The following TEX14 variants were observed in gnomAD, a reference collection of about 807,000 sequenced individuals.
TEX14 encodes testis expressed 14, intercellular bridge forming factor, also known as inactive serine/threonine-protein kinase TEX14.
In TEX14, 168 loss-of-function variants were observed where a neutral mutation model predicts 178.6. That is an observed-to-expected ratio of 0.94 (90% CI 0.83 to 1.07). The LOEUF (loss-of-function observed/expected upper bound fraction) is 1.07, where lower values mean the gene tolerates loss of function less well. Among genes scored for constraint, TEX14 ranks in the 50% least tolerant of loss-of-function variants. The probability of loss-of-function intolerance (pLI) is 0.00; values close to 1 mark genes in which losing one functional copy is unlikely to be tolerated. For missense variants in TEX14, 1,730 were observed against 1,753.6 expected (o/e 0.99, Z 0.24); for synonymous variants, 626 against 634.1 (o/e 0.99, Z 0.19).
chr17:58,605,447 T>C (rs2144495390), intron 10 of TEX14, among the ~76,000 whole-genome samples: 1 of 152,306 alleles, frequency 6.6e-6, no homozygotes, highest in African/African-American at 2.4e-5. Context: ...TGTGAAAACT[T>C]TGCCTCTGAA....
chr17:58,621,811 A>C, intron 4 of TEX14, 25 bp from the exon 5 acceptor site: 5 of 1,602,804 alleles, frequency 3.1e-6, no homozygotes, highest in Non-Finnish European at 4.3e-6. Context: ...AGAGATGCCC[A>C]GTGCGGGCGC....
intron 2 of TEX14, chr17:58,631,732 T>C (rs867162139): frequency 2.8e-5 from 4 of 145,322 alleles, no homozygotes; most frequent in Admixed American, 1.4e-4. Context: ...ATCCCACTCG[T>C]GAGAGAACAC....
chr17:58,616,542 C>A (rs1443740769), intron 6 of TEX14, among the ~76,000 whole-genome samples: 1 of 151,756 alleles, frequency 6.6e-6, no homozygotes, highest in Non-Finnish European at 1.5e-5. Flanking sequence ...GCGATCCTCC[C>A]ACTCCACCCT....
At chr17:58,631,605 A>G (rs541911183) in intron 2 of TEX14, 1 of 148,470 alleles carries the variant, frequency 6.7e-6, no homozygotes, top group East Asian at 1.9e-4. Flanking sequence ...GAGGAAACCA[A>G]CTACTATTAA....
intron 3 of TEX14, 81 bp downstream of exon 3, chr17:58,630,359 C>A: frequency 8.7e-7 from 1 of 1,146,870 alleles, no homozygotes; most frequent in Non-Finnish European, 1.3e-6. Flanking sequence ...CCCGGCCAAA[C>A]GTTTTTCTAA....
chr17:58,689,509 G>A (rs2047656459), intron 1 of TEX14, among the ~76,000 whole-genome samples: 3 of 152,102 alleles, frequency 2.0e-5, no homozygotes, highest in Admixed American at 1.3e-4. Flanking sequence ...GTGAGCCACC[G>A]TGCCCGGCCT....
intron 3 of TEX14, among the ~76,000 whole-genome samples, chr17:58,624,554 C>T (rs775678096): frequency 5.3e-5 from 8 of 151,812 alleles, no homozygotes; most frequent in Non-Finnish European, 1.0e-4. Flanking sequence ...GTTGGCCAGG[C>T]TGGTCTCGAA....
intron 3 of TEX14, among the ~76,000 whole-genome samples, chr17:58,625,382 G>A (rs1051096424): frequency 2.0e-5 from 3 of 152,060 alleles, no homozygotes; most frequent in South Asian, 2.1e-4. Context: ...TGATCTGCCC[G>A]CCTCATCCTC....
rs140040863 is a variant in TEX14, at chr17:58,608,315, G to A, written c.1184+2846C>T. 3.0e-3 allele frequency among the ~76,000 whole-genome samples: 450 copies of A among 152,162 alleles called. 2 individuals are homozygous for A. Among genetic ancestry groups the A allele is most frequent in the African/African-American group, 0.01 (435 of 41,522 alleles). ...GCCTGTAGTCCTGGCTACTTGGGAG[G>A]CTGAGGCAGGAGAATGGCGAGAACC... is the stretch of plus-strand genomic sequence containing the variant. On this transcript the variant is annotated intron_variant, in intron 10 of 31. Coordinates refer to ENST00000349033, the MANE Select transcript of TEX14 (RefSeq NM_031272.5).
intron 28 of TEX14, 34 bp downstream of exon 28, chr17:58,564,835 T>A (rs1035768150): frequency 2.4e-5 from 32 of 1,331,060 alleles, no homozygotes; most frequent in African/African-American, 4.5e-5. Flanking sequence ...TACAATTTTT[T>A]AAATCCTTTC....
intron 1 of TEX14, among the ~76,000 whole-genome samples, chr17:58,656,173 G>C (rs2046954484): frequency 6.6e-6 from 1 of 152,240 alleles, no homozygotes; most frequent in South Asian, 2.1e-4. Context: ...GCCGGGCACA[G>C]TGGCTTACGC....
At chr17:58,659,319 T>G (rs532975544) in intron 1 of TEX14, 18 of 981,732 alleles carry the variant, frequency 1.8e-5, no homozygotes, top group Non-Finnish European at 1.9e-5. Context: ...TTACTTAATA[T>G]TGCTAATACC....
intron 19 of TEX14, chr17:58,581,485 CA>C: frequency 2.2e-5 from 24 of 1,097,690 alleles, no homozygotes; most frequent in East Asian, 7.8e-5. Context: ...CTCCTGACAC[CA>C]AAAAAGGTAT....
At chr17:58,614,088 T>C (rs1047867833) in intron 8 of TEX14, among the ~76,000 whole-genome samples, 9 of 152,196 alleles carry the variant, frequency 5.9e-5, no homozygotes, top group African/African-American at 2.2e-4. Context: ...ACAATGACAA[T>C]GTGGCCAAGA....
chr17:58,597,369 G>A (rs1003272834), intron 14 of TEX14, among the ~76,000 whole-genome samples: 3 of 151,766 alleles, frequency 2.0e-5, no homozygotes, highest in Non-Finnish European at 2.9e-5. Flanking sequence ...ACTGTACTCC[G>A]GCCTGGGCAA....
chr17:58,639,409 TACTC>T (rs2046518788), intron 2 of TEX14, among the ~76,000 whole-genome samples: 1 of 151,492 alleles, frequency 6.6e-6, no homozygotes, highest in African/African-American at 2.4e-5. Context: ...CTAAAGAACT[TACTC>T]ATGTTGGCCG....
At chr17:58,558,672 C>T (rs2044205298) in intron 30 of TEX14, among the ~76,000 whole-genome samples, 1 of 152,110 alleles carries the variant, frequency 6.6e-6, no homozygotes, top group South Asian at 2.1e-4. Flanking sequence ...GTAGGAAGAA[C>T]TTAAATATGG....
At chr17:58,593,165 A>G (rs1452690428) in intron 15 of TEX14, among the ~76,000 whole-genome samples, 1 of 152,220 alleles carries the variant, frequency 6.6e-6, no homozygotes, top group Non-Finnish European at 1.5e-5. Context: ...GATGTTGTTC[A>G]ACTCTCTCTG....
intron 1 of TEX14, among the ~76,000 whole-genome samples, chr17:58,669,405 T>G (rs2047266757): frequency 6.6e-6 from 1 of 151,374 alleles, no homozygotes; most frequent in African/African-American, 2.4e-5. Context: ...TTTGTCATAT[T>G]TGCTGAAAGT....
Sources: allele counts gnomAD v4.1 joint callset (sites outside exome capture counted in the v4.1 genomes callset), GRCh38; gene constraint gnomAD v4.1.1; transcripts MANE v1.5; gene names NCBI Gene and HGNC (gene_info 2026-07-23, HGNC 2026-07-21).